The following RILPL1 variants were observed in gnomAD, a reference collection of about 807,000 sequenced individuals.
The protein encoded by RILPL1 is Rab interacting lysosomal protein like 1.
RILPL1 carries 33 observed loss-of-function variants against 50.3 expected under a neutral mutation model. The observed-to-expected ratio is 0.66, with a 90% CI of 0.50 to 0.88. The LOEUF (loss-of-function observed/expected upper bound fraction) is 0.88, where lower values mean the gene tolerates loss of function less well. RILPL1 is among the 40% of genes least tolerant of loss of function. The pLI is 0.00. For missense variants in RILPL1, 418 were observed against 542.5 expected, an observed-to-expected ratio of 0.77 and a Z score of 2.28; for synonymous variants, 205 against 228.6, an observed-to-expected ratio of 0.90 and a Z score of 0.93.
chr12:123,521,812 GC>G (rs1165792519), intron 2 of RILPL1, among the ~76,000 whole-genome samples: 4 of 149,020 alleles, frequency 2.7e-5, no homozygotes, highest in African/African-American at 9.9e-5. Flanking sequence ...TTGCTCTGTC[GC>G]CCAGGCTGGA....
intron 2 of RILPL1, among the ~76,000 whole-genome samples, chr12:123,511,126 G>GAC (rs1165727278): frequency 1.4e-4 from 1 of 7,112 alleles, no homozygotes; most frequent in Middle Eastern, 0.12. Context: ...GGTGTGTGAG[G>GAC]TCTATGTGTG....
chr12:123,512,601 CTGTA>C lies in RILPL1; in HGVS notation c.460+10890_460+10893del, dbSNP rs529455750. Among the ~76,000 whole-genome samples, 13 of 96,344 alleles carry C rather than the reference CTGTA, an allele frequency of 1.3e-4. No homozygotes were observed. The East Asian group carries it at 4.5e-3, about 33-fold the overall frequency. 63.2% of individuals were successfully genotyped at this position (96,344 alleles called of 152,430 possible). A position where few individuals can be genotyped will look rare whatever the true frequency, so the allele number is the denominator to read the frequency against. On this transcript the variant is annotated intron_variant, in intron 2 of 6. Coordinates refer to ENST00000376874, the MANE Select transcript of RILPL1 (RefSeq NM_178314.5). The stretch of plus-strand genomic sequence containing the variant: ...GAGGTCTGTGTGTGGTGTGTGAGAT[CTGTA>C]TGTGTGAGGTCTGTGTCTGTGTGTC...
At chr12:123,532,090 G>T (rs1566149909) in intron 1 of RILPL1, among the ~76,000 whole-genome samples, 1 of 152,174 alleles carries the variant, frequency 6.6e-6, no homozygotes, top group African/African-American at 2.4e-5. Flanking sequence ...AAAACACAGA[G>T]ATCCATCAAA....
rs1885094439 is a variant in RILPL1, at chr12:123,522,259, C to T, written c.460+1236G>A. ...CAGGAGGCACCCCTGCTTTAGCGGG[C>T]AGGAAGCTGCAGGGCTGAGCAGAGC... is the stretch of plus-strand genomic sequence containing the variant. On this transcript the variant is annotated intron_variant, in intron 2 of 6. Coordinates refer to ENST00000376874, the MANE Select transcript of RILPL1 (RefSeq NM_178314.5). The surrounding 1 kb of genome is among the most constrained non-coding windows in gnomAD (Gnocchi z 4.0). Among the ~76,000 whole-genome samples, 1 of 152,210 alleles carries T rather than the reference C, an allele frequency of 6.6e-6. No homozygotes were observed. Among genetic ancestry groups the T allele is most frequent in the Non-Finnish European group, 1.5e-5 (1 of 68,042 alleles).
Position 123,472,588 on chromosome 12 carries a change from G to A in RILPL1, c.1162C>T (p.Arg388Cys), listed in dbSNP as rs374451690. The stretch of plus-strand genomic sequence containing the variant: ...CCTTGCTCTGTGTAACCGTCATCGC[G>A]GTGGGTGTTTGCCCACTGTCCAAAG... Reference protein sequence around the residue: ...ESFGQWANTHRDDGYTEQGQE... With the variant: ...ESFGQWANTHCDDGYTEQGQE... Residue 388 changes from arginine (R) to cysteine (C), a missense_variant, in exon 7 of 7, where the codon CGC becomes TGC. Transcript: ENST00000376874. The A allele has an allele frequency of 2.6e-5, 41 of 1,562,008 alleles. No individual in the cohort carries two copies. The highest frequency in any genetic ancestry group is 1.7e-4 in the Middle Eastern group (1 of 5,990).
chr12:123,477,136 C>T (rs865775722), intron 6 of RILPL1, among the ~76,000 whole-genome samples: 16 of 152,206 alleles, frequency 1.1e-4, no homozygotes, highest in Middle Eastern at 3.4e-3. Flanking sequence ...CTCAGCTGGG[C>T]AGAGGAAATG....
At chr12:123,520,367 T>G (rs1165046527) in intron 2 of RILPL1, among the ~76,000 whole-genome samples, 2 of 152,210 alleles carry the variant, frequency 1.3e-5, no homozygotes, top group African/African-American at 4.8e-5. Flanking sequence ...AAGGCCAGCC[T>G]GGCCAACATG....
At chr12:123,528,094 T>C (rs1308674818) in intron 1 of RILPL1, among the ~76,000 whole-genome samples, 2 of 152,140 alleles carry the variant, frequency 1.3e-5, no homozygotes. Flanking sequence ...TGGCCAGGCA[T>C]GGTGGGTCAC....
At chr12:123,518,700 A>G (rs546919376) in intron 2 of RILPL1, among the ~76,000 whole-genome samples, 11 of 152,234 alleles carry the variant, frequency 7.2e-5, no homozygotes, top group African/African-American at 2.4e-4. Context: ...TTTTATATTG[A>G]TTACATGTTA....
Position 123,521,706 on chromosome 12 carries a change from TATAAATATATATATAC to T in RILPL1, c.460+1773_460+1788del, listed in dbSNP as rs1566144648. ...ATATACACACATATATGTATATATA[TATAAATATATATATAC>T]ACACATATATGTATATATATAAAAA... On this transcript the variant is annotated intron_variant, in intron 2 of 6. Coordinates refer to ENST00000376874, the MANE Select transcript of RILPL1 (RefSeq NM_178314.5). 1.1e-4 allele frequency among the ~76,000 whole-genome samples: 13 copies of T among 121,496 alleles called. 1 individual carries two copies. Among genetic ancestry groups the T allele is most frequent in the East Asian group, 7.0e-4 (3 of 4,266 alleles). 79.7% of individuals were successfully genotyped at this position (121,496 alleles called of 152,430 possible).
At chr12:123,513,459 C>T (rs942204494) in intron 2 of RILPL1, 1 of 257,872 alleles carries the variant, frequency 3.9e-6, no homozygotes, top group African/African-American at 2.3e-5. Context: ...GCCCAGCAGC[C>T]TCATCACCTT....
At position 123,485,282 on chromosome 12, in the gene RILPL1, T is replaced by C. The variant is rs958099900; in HGVS notation, c.974+351A>G. The C allele has an allele frequency of 1.1e-5, 5 of 463,682 alleles. No individual in the cohort carries two copies. The highest frequency in any genetic ancestry group is 6.6e-5 in the East Asian group (1 of 15,226). The allele number at this position is 463,682 out of a possible 1,614,324, so 28.7% of individuals were successfully genotyped here. A position where few individuals can be genotyped will look rare whatever the true frequency, so the allele number is the denominator to read the frequency against. On this transcript the variant is annotated intron_variant, in intron 5 of 6. Transcript: ENST00000376874. This position sits in a 1 kb window ranked among gnomAD's most constrained non-coding sequence, Gnocchi z 4.0. ...AATGTAGGAGGTGAAAAGGGCCACA[T>C]AGACCATTAACACCGGGGCCGGGTT... is the stretch of plus-strand genomic sequence containing the variant.
At chr12:123,472,759 A>G (rs1037914602) in intron 6 of RILPL1, 77 bp from the exon 7 acceptor site, 3 of 1,486,968 alleles carry the variant, frequency 2.0e-6, no homozygotes, top group Non-Finnish European at 2.7e-6. Context: ...AATGCCGGAG[A>G]CATATAGCAG....
intron 1 of RILPL1, among the ~76,000 whole-genome samples, chr12:123,531,732 A>G (rs1885449027): frequency 6.6e-6 from 1 of 152,210 alleles, no homozygotes; most frequent in Non-Finnish European, 1.5e-5. Context: ...TAATGGGGGT[A>G]CTATTACTAT....
Position 123,489,771 on chromosome 12 carries a change from A to T in RILPL1, c.802-3966T>A, listed in dbSNP as rs1882568389. On this transcript the variant is annotated intron_variant, in intron 4 of 6. Transcript: ENST00000376874. The surrounding 1 kb of genome is among the most constrained non-coding windows in gnomAD (Gnocchi z 4.0). Reference sequence around the variant, plus strand: ...CTCTATGCATGGGGTCTTGACGAATATGTAGGAGTTCACCAGGAACTCTGG... The same window carrying T: ...CTCTATGCATGGGGTCTTGACGAATTTGTAGGAGTTCACCAGGAACTCTGG... Among the ~76,000 whole-genome samples the T allele has an allele frequency of 6.6e-6, 1 of 152,042 alleles. No homozygotes were observed. The highest frequency in any genetic ancestry group is 2.4e-5 in the African/African-American group (1 of 41,412).
chr12:123,500,278 CT>C (rs61119415), intron 2 of RILPL1, among the ~76,000 whole-genome samples: 16,973 of 88,458 alleles, frequency 0.19, 994 homozygotes, highest in African/African-American at 0.27. Context: ...GTGTCCCTTT[CT>C]TTTTTTTTTT....
intron 2 of RILPL1, among the ~76,000 whole-genome samples, chr12:123,512,071 G>GTT (rs1884325574): frequency 9.6e-6 from 1 of 104,514 alleles, no homozygotes; most frequent in Non-Finnish European, 2.0e-5. Flanking sequence ...GGTGTGTGAG[G>GTT]TCTGTGTGTG....
intron 6 of RILPL1, chr12:123,475,667 GA>G (rs1881537413): frequency 6.3e-7 from 1 of 1,586,106 alleles, no homozygotes; most frequent in African/African-American, 1.3e-5. Context: ...GCCTACAAGG[GA>G]AACAAGTCGT....
At chr12:123,502,942 C>T (rs1340879891) in intron 2 of RILPL1, among the ~76,000 whole-genome samples, 1 of 151,936 alleles carries the variant, frequency 6.6e-6, no homozygotes, top group African/African-American at 2.4e-5. Flanking sequence ...GGCTGGAGTG[C>T]AGTGGTGAGA....
Sources: gnomAD v4.1 joint callset for allele counts (sites outside exome capture counted in the v4.1 genomes callset) on GRCh38, gnomAD v4.1.1 for gene constraint, Gnocchi (gnomAD v3.1) non-coding constraint, MANE v1.5 for transcripts, NCBI Gene and HGNC (gene_info 2026-07-23, HGNC 2026-07-21) for gene names.